Variants in CRIM1 observed in about 807,000 individuals in gnomAD.
The protein encoded by CRIM1 is cysteine-rich motor neuron 1 protein.
Under a neutral mutation model 116.4 loss-of-function variants are expected in CRIM1, and 32 were observed. That is an observed-to-expected ratio of 0.27 (90% confidence interval 0.21 to 0.37). CRIM1 has a LOEUF of 0.37. Ranked by LOEUF, CRIM1 falls within the 10% of genes least tolerant of loss-of-function variation. The pLI is 1.00. For missense variants in CRIM1, 1,331 were observed against 1,354.8 expected (o/e 0.98, Z 0.28); for synonymous variants, 590 against 509.2 (o/e 1.16, Z -2.13).
At chr2:36,513,296 G>T (rs773218018) in intron 10 of CRIM1, 4 of 461,266 alleles carry the variant, frequency 8.7e-6, no homozygotes, top group African/African-American at 1.9e-5. Context: ...ATATGAGAAA[G>T]TACAGTGGAA....
intron 2 of CRIM1, among the ~76,000 whole-genome samples, chr2:36,424,041 A>G (rs1674271339): frequency 6.6e-6 from 1 of 152,214 alleles, no homozygotes; most frequent in South Asian, 2.1e-4. Flanking sequence ...AGTAAAGGAT[A>G]TAATAGCTGA....
chr2:36,468,690 T>A (rs1678243161), intron 5 of CRIM1, among the ~76,000 whole-genome samples: 1 of 152,192 alleles, frequency 6.6e-6, no homozygotes. Context: ...CCATCAGCCG[T>A]CAGCTGGAGC....
intron 7 of CRIM1, among the ~76,000 whole-genome samples, chr2:36,489,844 C>T (rs1029102195): frequency 4.6e-5 from 7 of 152,154 alleles, no homozygotes; most frequent in Non-Finnish European, 8.8e-5. Context: ...GTCATTGTTT[C>T]GACCCACATT....
intron 5 of CRIM1, among the ~76,000 whole-genome samples, chr2:36,469,106 T>C (rs961255785): frequency 6.6e-6 from 1 of 152,154 alleles, no homozygotes; most frequent in African/African-American, 2.4e-5. Flanking sequence ...GCCAGATATA[T>C]ATTGAGGCTA....
intron 7 of CRIM1, among the ~76,000 whole-genome samples, chr2:36,494,901 C>CA (rs1269864282): frequency 6.6e-6 from 1 of 152,116 alleles, no homozygotes; most frequent in Non-Finnish European, 1.5e-5. Flanking sequence ...GATAGAATTT[C>CA]AAGGTGATCC....
At chr2:36,469,723 A>T (rs964837581) in intron 5 of CRIM1, among the ~76,000 whole-genome samples, 1 of 152,198 alleles carries the variant, frequency 6.6e-6, no homozygotes, top group African/African-American at 2.4e-5. Context: ...GTTTCTAAGG[A>T]CGTAATGTCT....
intron 8 of CRIM1, among the ~76,000 whole-genome samples, chr2:36,501,898 A>G (rs1284942748): frequency 6.6e-6 from 1 of 152,196 alleles, no homozygotes; most frequent in East Asian, 1.9e-4. Context: ...CAAGTTCACT[A>G]GAGTTGCCTT....
At chr2:36,408,325 G>A (rs529288021) in intron 2 of CRIM1, among the ~76,000 whole-genome samples, 1 of 152,304 alleles carries the variant, frequency 6.6e-6, no homozygotes, top group Admixed American at 6.5e-5. Flanking sequence ...GCGCGTGTTT[G>A]TGGTTTCTGA....
intron 4 of CRIM1, among the ~76,000 whole-genome samples, chr2:36,445,874 T>C (rs533292615): frequency 6.6e-6 from 1 of 152,160 alleles, no homozygotes; most frequent in Non-Finnish European, 1.5e-5. Flanking sequence ...CCATGTCAAA[T>C]GTCCACTCTT....
chr2:36,476,812 AGGC>A, intron 5 of CRIM1, 74 bp from the exon 6 acceptor site: 1 of 1,208,306 alleles, frequency 8.3e-7, no homozygotes, highest in Non-Finnish European at 1.2e-6. Flanking sequence ...AATTTTCTAG[AGGC>A]TGTTTGAAAA....
At chr2:36,511,845 A>G (rs1157429564) in intron 9 of CRIM1, among the ~76,000 whole-genome samples, 1 of 111,144 alleles carries the variant, frequency 9.0e-6, no homozygotes, top group Non-Finnish European at 1.7e-5. Context: ...ATACTTCCAG[A>G]AGGGAGGGAG....
chr2:36,357,215 G>T (rs902382264), intron 1 of CRIM1, among the ~76,000 whole-genome samples: 2 of 152,138 alleles, frequency 1.3e-5, no homozygotes, highest in Non-Finnish European at 2.9e-5. Context: ...CAGCCCAGGG[G>T]AAGTTACACA....
intron 1 of CRIM1, among the ~76,000 whole-genome samples, chr2:36,374,851 G>A (rs1432819615): frequency 1.0e-5 from 1 of 98,664 alleles, no homozygotes; most frequent in Non-Finnish European, 2.0e-5. Context: ...TGAGGGCTGT[G>A]GCTCTTGATG....
At chr2:36,434,480 A>G (rs2124912620) in intron 2 of CRIM1, among the ~76,000 whole-genome samples, 1 of 152,316 alleles carries the variant, frequency 6.6e-6, no homozygotes, top group East Asian at 1.9e-4. Flanking sequence ...CAGTTCTGCC[A>G]CTTGCTTTGT....
chr2:36,542,864 T>C (rs568814738), intron 14 of CRIM1, among the ~76,000 whole-genome samples: 1 of 152,252 alleles, frequency 6.6e-6, no homozygotes, highest in South Asian at 2.1e-4. Flanking sequence ...AATCACCTAG[T>C]CCAGACCTAC....
intron 1 of CRIM1, among the ~76,000 whole-genome samples, chr2:36,394,129 C>A (rs1671832105): frequency 6.6e-6 from 1 of 152,090 alleles, no homozygotes; most frequent in Admixed American, 6.5e-5. Context: ...GGAAAAAATT[C>A]TGCAATAGGA....
At chr2:36,384,802 G>A (rs978467087) in intron 1 of CRIM1, among the ~76,000 whole-genome samples, 1 of 152,166 alleles carries the variant, frequency 6.6e-6, no homozygotes, top group Non-Finnish European at 1.5e-5. Context: ...ATTTCTTAAT[G>A]GGCCACAGTT....
At chr2:36,411,984 C>G (rs922918017) in intron 2 of CRIM1, among the ~76,000 whole-genome samples, 1 of 152,172 alleles carries the variant, frequency 6.6e-6, no homozygotes, top group African/African-American at 2.4e-5. Flanking sequence ...ATTGTGTTGT[C>G]TATCTGCTTC....
At chr2:36,467,169 T>C (rs918619214) in intron 5 of CRIM1, among the ~76,000 whole-genome samples, 1 of 152,198 alleles carries the variant, frequency 6.6e-6, no homozygotes, top group African/African-American at 2.4e-5. Context: ...ACTACATCTC[T>C]GGTCGTTGCT....
Sources: allele counts gnomAD v4.1 joint callset (sites outside exome capture counted in the v4.1 genomes callset), GRCh38; gene constraint gnomAD v4.1.1; transcripts MANE v1.5; gene names NCBI Gene and HGNC (gene_info 2026-07-23, HGNC 2026-07-21).